POLR3G: variants seen among roughly 807,000 people sequenced by gnomAD.
POLR3G encodes RNA polymerase III subunit G.
Under a neutral mutation model 30.1 loss-of-function variants are expected in POLR3G, and 28 were observed. That is an observed-to-expected ratio of 0.93 (90% CI 0.69 to 1.27). POLR3G has a LOEUF of 1.27. Ranked by LOEUF, POLR3G falls within the 50% of genes most tolerant of loss-of-function variation. POLR3G has a pLI of 0.00. For missense variants in POLR3G, 254 were observed against 264.6 expected (o/e 0.96, Z 0.28); for synonymous variants, 79 against 82.5 (o/e 0.96, Z 0.23).
chr5:90,493,608 T>C (rs1476055342), intron 3 of POLR3G, among the ~76,000 whole-genome samples: 1 of 151,062 alleles, frequency 6.6e-6, no homozygotes, highest in Non-Finnish European at 1.5e-5. Flanking sequence ...TAAAATTTAC[T>C]TTTTAAAGTG....
chr5:90,500,633 C>G (rs879520754), intron 5 of POLR3G, among the ~76,000 whole-genome samples: 11 of 152,076 alleles, frequency 7.2e-5, no homozygotes, highest in Non-Finnish European at 1.5e-4. Flanking sequence ...ATCATTAAAT[C>G]TAACTATTAC....
intron 4 of POLR3G, among the ~76,000 whole-genome samples, chr5:90,496,311 C>T (rs1751992964): frequency 6.6e-6 from 1 of 152,126 alleles, no homozygotes; most frequent in Admixed American, 6.5e-5. Context: ...CCAAACAAAC[C>T]CTTTGAATTT....
At chr5:90,496,503 G>A (rs1229880597) in intron 4 of POLR3G, among the ~76,000 whole-genome samples, 1 of 152,140 alleles carries the variant, frequency 6.6e-6, no homozygotes, top group Non-Finnish European at 1.5e-5. Context: ...TTAGTTGTTA[G>A]GCTTCTTCAA....
chr5:90,486,670 G>T (rs1230867403), intron 2 of POLR3G, among the ~76,000 whole-genome samples: 1 of 152,148 alleles, frequency 6.6e-6, no homozygotes, highest in African/African-American at 2.4e-5. Context: ...TCCCCAAGAG[G>T]CCAGGCATGC....
At chr5:90,484,198 A>G (rs1003520329) in intron 1 of POLR3G, among the ~76,000 whole-genome samples, 4 of 152,204 alleles carry the variant, frequency 2.6e-5, no homozygotes, top group African/African-American at 9.6e-5. Context: ...TTAAAACACC[A>G]GTGCTGGGCC....
chr5:90,474,169 C>A (rs147831525), upstream of POLR3G: 902 of 1,602,488 alleles, frequency 5.6e-4, 1 homozygote, highest in South Asian at 1.2e-3. Context: ...TCGATCACCA[C>A]GTCCTGCTCG....
chr5:90,483,009 G>T (rs1004688877), intron 1 of POLR3G, among the ~76,000 whole-genome samples: 1 of 151,960 alleles, frequency 6.6e-6, no homozygotes, highest in Admixed American at 6.6e-5. Context: ...GCATGGTGGC[G>T]CACGCCTGTA....
intron 3 of POLR3G, among the ~76,000 whole-genome samples, chr5:90,493,878 T>A (rs1751860748): frequency 6.6e-6 from 1 of 151,534 alleles, no homozygotes; most frequent in African/African-American, 2.4e-5. Context: ...TGGCTAATTT[T>A]TTTGTGTTTT....
At chr5:90,487,709 A>C (rs1401004068) in intron 2 of POLR3G, among the ~76,000 whole-genome samples, 1 of 152,104 alleles carries the variant, frequency 6.6e-6, no homozygotes, top group African/African-American at 2.4e-5. Context: ...TAATTTTTAA[A>C]GTAGATAATC....
chr5:90,504,260 G>A (rs1247489053), intron 6 of POLR3G, among the ~76,000 whole-genome samples: 1 of 151,932 alleles, frequency 6.6e-6, no homozygotes, highest in Admixed American at 6.6e-5. Flanking sequence ...AATGAATACT[G>A]TATTTAAAAA....
In POLR3G at chr5:90,499,237, G is replaced by C. The variant is rs957778526; in HGVS notation, c.355+1531G>C. Among the ~76,000 whole-genome samples the C allele has an allele frequency of 3.3e-5, 5 of 152,226 alleles. No homozygotes were observed. The East Asian group carries it at 9.6e-4, about 29-fold the overall frequency. On this transcript the variant is annotated intron_variant, in intron 5 of 7. Transcript: ENST00000651687. The stretch of plus-strand genomic sequence containing the variant: ...TTAGAAGAAAGGAGAGCCTAACCCT[G>C]AGCTTACAGGAATGCCAACATTTAA...
intron 3 of POLR3G, among the ~76,000 whole-genome samples, chr5:90,488,713 TG>T (rs1484036379): frequency 1.3e-5 from 2 of 152,248 alleles, no homozygotes; most frequent in African/African-American, 4.8e-5. Context: ...TGCATGTCTC[TG>T]ATTATTTAAT....
chr5:90,498,150 C>A (rs1367164133), intron 5 of POLR3G, among the ~76,000 whole-genome samples: 3 of 151,814 alleles, frequency 2.0e-5, no homozygotes, highest in South Asian at 2.1e-4. Flanking sequence ...TCTGTCCCCC[C>A]ATGTATGTGT....
intron 5 of POLR3G, 29 bp downstream of exon 5, chr5:90,497,735 G>A: frequency 6.3e-7 from 1 of 1,576,196 alleles, no homozygotes; most frequent in Non-Finnish European, 8.6e-7. Context: ...TAGTAATTCA[G>A]GTAGGAAAAG....
rs1751399735 is a variant in POLR3G, at chr5:90,485,625, G to C, written c.58G>C (p.Gly20Arg). The C allele has an allele frequency of 6.2e-7, 1 of 1,613,906 alleles. No individual in the cohort carries two copies. The highest frequency in any genetic ancestry group is 8.5e-7 in the Non-Finnish European group (1 of 1,179,944). The change falls in exon 2 of 8, where the codon GGA becomes CGA. Residue 20 changes from glycine to arginine, a missense_variant. Physicochemically the swap from Gly to Arg is moderately radical, Grantham distance 125. Transcript: ENST00000651687. Reference protein sequence around the residue: ...AAYTFNIEAVGFSKGEKLPDV... With the variant: ...AAYTFNIEAVRFSKGEKLPDV... ...TTATACCTTTAATATTGAGGCTGTT[G>C]GATTTAGCAAAGGTGAAAAGTTACC...
At chr5:90,478,492 C>G (rs980884410) in intron 1 of POLR3G, among the ~76,000 whole-genome samples, 1 of 149,460 alleles carries the variant, frequency 6.7e-6, no homozygotes, top group African/African-American at 2.5e-5. Context: ...ATTAGCTTTG[C>G]GTCTTTAGGT....
intron 3 of POLR3G, among the ~76,000 whole-genome samples, chr5:90,489,587 C>T (rs250373): frequency 0.68 from 103,278 of 151,412 alleles, 35,790 homozygotes; most frequent in African/African-American, 0.81. Flanking sequence ...ATTTTTAACT[C>T]TCATGATGAT....
intron 5 of POLR3G, among the ~76,000 whole-genome samples, chr5:90,501,274 G>A (rs1024072033): frequency 5.3e-5 from 8 of 152,070 alleles, no homozygotes; most frequent in African/African-American, 1.7e-4. Context: ...TAAAGATACA[G>A]TATATAATCA....
chr5:90,504,296 C>T (rs1752383928), intron 6 of POLR3G, among the ~76,000 whole-genome samples: 1 of 152,022 alleles, frequency 6.6e-6, no homozygotes, highest in African/African-American at 2.4e-5. Flanking sequence ...CGCCGTGGCT[C>T]ACGCCTGTAA....
Sources: gnomAD v4.1 joint callset for allele counts (sites outside exome capture counted in the v4.1 genomes callset) on GRCh38, gnomAD v4.1.1 for gene constraint, MANE v1.5 for transcripts, NCBI Gene and HGNC (gene_info 2026-07-23, HGNC 2026-07-21) for gene names.